PARD3B: variants seen among roughly 807,000 people sequenced by gnomAD.
The protein encoded by PARD3B is partitioning defective 3 homolog B.
A neutral mutation model predicts 130.2 loss-of-function variants in PARD3B; 103 were observed. That is an observed-to-expected ratio of 0.79 (90% CI 0.67 to 0.93). PARD3B has a LOEUF of 0.93. PARD3B is among the 40% of genes least tolerant of loss of function. The pLI, the probability that PARD3B is intolerant of heterozygous loss-of-function variation, is 0.00. For synonymous variants in PARD3B, 583 were observed against 553.2 expected, an observed-to-expected ratio of 1.05 and a Z score of -0.76; for missense variants, 1,609 against 1,499.2, an observed-to-expected ratio of 1.07 and a Z score of -1.21.
intron 18 of PARD3B, among the ~76,000 whole-genome samples, chr2:205,399,389 A>G (rs1373195811): frequency 4.0e-5 from 6 of 151,760 alleles, no homozygotes; most frequent in South Asian, 2.1e-4. Flanking sequence ...GAGTATCACT[A>G]TGTCACCCAG....
intron 18 of PARD3B, among the ~76,000 whole-genome samples, chr2:205,373,386 T>C (rs1157829911): frequency 3.3e-5 from 5 of 152,184 alleles, no homozygotes; most frequent in Non-Finnish European, 7.3e-5. Context: ...ATAGAGAAGA[T>C]ATGTCTATTA....
At chr2:204,998,964 G>T (rs1694595639) in intron 3 of PARD3B, among the ~76,000 whole-genome samples, 1 of 152,060 alleles carries the variant, frequency 6.6e-6, no homozygotes, top group African/African-American at 2.4e-5. Flanking sequence ...CAAAGTGCTG[G>T]GATTACAGGC....
intron 2 of PARD3B, among the ~76,000 whole-genome samples, chr2:204,870,182 T>C (rs967171046): frequency 6.6e-6 from 1 of 152,114 alleles, no homozygotes; most frequent in African/African-American, 2.4e-5. Flanking sequence ...GATGGGGTGG[T>C]AGAGAAAGTC....
chr2:204,849,103 G>A (rs2044595121), intron 2 of PARD3B, among the ~76,000 whole-genome samples: 1 of 152,038 alleles, frequency 6.6e-6, no homozygotes, highest in Admixed American at 6.6e-5. Context: ...TAATTTTAGG[G>A]AAGAAAAATG....
At chr2:205,490,918 G>A (rs905735283) in intron 20 of PARD3B, among the ~76,000 whole-genome samples, 31 of 152,200 alleles carry the variant, frequency 2.0e-4, no homozygotes, top group Non-Finnish European at 1.5e-4. Flanking sequence ...CTTTTGAGAA[G>A]TGTCTGTTCA....
intron 22 of PARD3B, among the ~76,000 whole-genome samples, chr2:205,578,661 C>T (rs753414734): frequency 8.5e-5 from 13 of 152,154 alleles, no homozygotes; most frequent in South Asian, 2.1e-4. Flanking sequence ...AATGGACTGG[C>T]CCAAAGCCAA....
intron 2 of PARD3B, among the ~76,000 whole-genome samples, chr2:204,942,275 T>C (rs906009782): frequency 6.6e-6 from 1 of 152,214 alleles, no homozygotes; most frequent in Non-Finnish European, 1.5e-5. Flanking sequence ...ACTTTCCCTG[T>C]TTTTATAGTA....
chr2:204,678,580 C>G lies in PARD3B; in HGVS notation c.121-7601C>G, dbSNP rs1215897967. Among the ~76,000 whole-genome samples, 1 of 152,026 alleles carries G rather than the reference C, an allele frequency of 6.6e-6. No homozygotes were observed. Among genetic ancestry groups the G allele is most frequent in the Non-Finnish European group, 1.5e-5 (1 of 68,024 alleles). Reference sequence around the variant, plus strand: ...GAAGCCTGGCTGACTCCAGCCGGGTCGTCTCCGAAGTCGTGTGGTCTGACA... The same window carrying G: ...GAAGCCTGGCTGACTCCAGCCGGGTGGTCTCCGAAGTCGTGTGGTCTGACA... On this transcript the variant is annotated intron_variant, in intron 1 of 22. Coordinates refer to ENST00000406610, the MANE Select transcript of PARD3B (RefSeq NM_001302769.2). This position sits in a 1 kb window ranked among gnomAD's most constrained non-coding sequence, Gnocchi z 4.2.
chr2:205,206,031 C>T (rs2037274993), intron 15 of PARD3B, among the ~76,000 whole-genome samples: 2 of 152,026 alleles, frequency 1.3e-5, no homozygotes, highest in Non-Finnish European at 2.9e-5. Context: ...GTATCAGCTC[C>T]TCTTTGTACC....
At chr2:204,655,338 A>G (rs1006400418) in intron 1 of PARD3B, among the ~76,000 whole-genome samples, 2 of 152,060 alleles carry the variant, frequency 1.3e-5, no homozygotes, top group Admixed American at 6.6e-5. Flanking sequence ...ATTTCCACAT[A>G]GTAGCTACAT....
chr2:205,129,234 C>A (rs925351817), intron 10 of PARD3B, among the ~76,000 whole-genome samples: 2 of 152,208 alleles, frequency 1.3e-5, no homozygotes, highest in African/African-American at 4.8e-5. Flanking sequence ...CACGTGGACC[C>A]ATAGCCTTCC....
chr2:204,854,051 G>A (rs546421078), intron 2 of PARD3B, among the ~76,000 whole-genome samples: 1 of 152,204 alleles, frequency 6.6e-6, no homozygotes, highest in South Asian at 2.1e-4. Flanking sequence ...AGAGAGAGGA[G>A]CATTTGCGAA....
In PARD3B at chr2:205,253,339, T is replaced by TG; in HGVS notation, c.2185+7519dup. On this transcript the variant is annotated intron_variant, in intron 16 of 22. Transcript: ENST00000406610. This position sits in a 1 kb window ranked among gnomAD's most constrained non-coding sequence, Gnocchi z 4.4. ...CCTACAAAGGAGGCCATGGAACCGA[T>TG]GGAACTGATGGAGGAAATGCTGGGA... is the stretch of plus-strand genomic sequence containing the variant. 1 of 547,370 alleles carries TG rather than the reference T, an allele frequency of 1.8e-6. No homozygotes were observed. Among genetic ancestry groups the TG allele is most frequent in the Admixed American group, 2.0e-5 (1 of 49,710 alleles). The allele number at this position is 547,370 out of a possible 1,614,324, so 33.9% of individuals were successfully genotyped here.
In PARD3B at chr2:205,053,967, G is replaced by T. The variant is rs188240632; in HGVS notation, c.504+6277G>T. ...GGTGTTTGTAACTCCAGCTGTTCAC[G>T]CTGTGTGCTGATAAGACCAGAGCTT... On this transcript the variant is annotated intron_variant, in intron 4 of 22. Coordinates refer to ENST00000406610, the MANE Select transcript of PARD3B (RefSeq NM_001302769.2). Among the ~76,000 whole-genome samples, 166 of 152,144 alleles carry T rather than the reference G, an allele frequency of 1.1e-3. 2 individuals carry two copies. The highest frequency in any genetic ancestry group is 3.8e-3 in the African/African-American group (158 of 41,520).
chr2:204,997,356 C>T (rs1404488301), intron 3 of PARD3B, among the ~76,000 whole-genome samples: 5 of 152,198 alleles, frequency 3.3e-5, no homozygotes, highest in South Asian at 2.1e-4. Flanking sequence ...TCTTACAATA[C>T]TGAGTCTTCA....
chr2:205,430,301 G>T (rs2047285045), intron 19 of PARD3B, among the ~76,000 whole-genome samples: 1 of 152,166 alleles, frequency 6.6e-6, no homozygotes, highest in Non-Finnish European at 1.5e-5. Flanking sequence ...TTCAAACCCT[G>T]TTGTTTAACG....
intron 2 of PARD3B, among the ~76,000 whole-genome samples, chr2:204,859,738 A>G (rs942316945): frequency 1.3e-5 from 2 of 152,184 alleles, no homozygotes; most frequent in Admixed American, 6.5e-5. Context: ...TGGAGACGTA[A>G]GATAAATTCA....
chr2:205,568,757 C>T lies in PARD3B; in HGVS notation c.3260+15354C>T, dbSNP rs1411725564. 2.6e-5 allele frequency among the ~76,000 whole-genome samples: 4 copies of T among 152,190 alleles called. No homozygotes were observed. Among genetic ancestry groups the T allele is most frequent in the African/African-American group, 9.7e-5 (4 of 41,436 alleles). ...CAGATGGCCCTGGTCGTGTGTCTTC[C>T]ATGGTCTCCACAGTCTCACCTTAGC... On this transcript the variant is annotated intron_variant, in intron 22 of 22. Coordinates refer to ENST00000406610, the MANE Select transcript of PARD3B (RefSeq NM_001302769.2). This position sits in a 1 kb window ranked among gnomAD's most constrained non-coding sequence, Gnocchi z 5.3.
At position 205,283,926 on chromosome 2, in the gene PARD3B, C is replaced by G. The variant is rs541576583; in HGVS notation, c.2186-16604C>G. 1.5e-4 allele frequency among the ~76,000 whole-genome samples: 23 copies of G among 152,222 alleles called. No individual in the cohort carries two copies. In the East Asian group the frequency reaches 2.7e-3, roughly 18 times the overall value. ...TGGGCAGAATGCTCCCCTCTACCCC[C>G]ACAGGAGGGAAAGCAGCTCTTACCT... On this transcript the variant is annotated intron_variant, in intron 16 of 22. Transcript: ENST00000406610.
Sources: gnomAD v4.1 joint callset for allele counts (sites outside exome capture counted in the v4.1 genomes callset) on GRCh38, gnomAD v4.1.1 for gene constraint, Gnocchi (gnomAD v3.1) non-coding constraint, MANE v1.5 for transcripts, NCBI Gene and HGNC (gene_info 2026-07-23, HGNC 2026-07-21) for gene names.